The following GLDN variants were observed in gnomAD, a reference collection of about 807,000 sequenced individuals.
GLDN encodes the protein collomin.
Under a neutral mutation model 56.5 loss-of-function variants are expected in GLDN, and 47 were observed. That is an observed-to-expected ratio of 0.83 (90% confidence interval 0.66 to 1.06). The LOEUF is 1.06. Among genes scored for constraint, GLDN ranks in the 50% least tolerant of loss-of-function variants. The pLI is 0.00. For synonymous variants in GLDN, 332 were observed against 278.8 expected (o/e 1.19, Z -1.90); for missense variants, 782 against 714.3 (o/e 1.09, Z -1.08).
At chr15:51,386,656 A>G (rs1029230683) in intron 4 of GLDN, among the ~76,000 whole-genome samples, 2 of 152,338 alleles carry the variant, frequency 1.3e-5, no homozygotes, top group Middle Eastern at 3.4e-3. Context: ...CGAATGAGCC[A>G]GAGTAGAGGC....
intron 1 of GLDN, among the ~76,000 whole-genome samples, chr15:51,346,026 G>C (rs144042168): frequency 6.6e-6 from 1 of 152,272 alleles, no homozygotes; most frequent in East Asian, 1.9e-4. Flanking sequence ...GAAAGGGCTG[G>C]GGGACCACTC....
intron 1 of GLDN, among the ~76,000 whole-genome samples, chr15:51,344,602 T>G (rs1017045968): frequency 6.6e-5 from 10 of 152,164 alleles, no homozygotes; most frequent in African/African-American, 1.4e-4. Flanking sequence ...TCCCTGGCCC[T>G]TTTATACACC....
downstream of GLDN, among the ~76,000 whole-genome samples, chr15:51,410,312 G>A (rs1010591772): frequency 5.3e-5 from 8 of 152,192 alleles, no homozygotes; most frequent in African/African-American, 1.9e-4. Context: ...TGCTTTTGGT[G>A]CTGGAAGTGC....
intron 4 of GLDN, chr15:51,384,311 T>C (rs771130315): frequency 9.4e-5 from 22 of 233,204 alleles, no homozygotes; most frequent in Non-Finnish European, 1.7e-4. Context: ...AATGAACTGA[T>C]GTTGGCCCCT....
At chr15:51,381,473 C>T (rs2037758851) in intron 2 of GLDN, among the ~76,000 whole-genome samples, 1 of 152,116 alleles carries the variant, frequency 6.6e-6, no homozygotes, top group African/African-American at 2.4e-5. Flanking sequence ...AATGTGGTAC[C>T]ATTTTAGCCA....
chr15:51,380,061 T>C (rs1339594948), intron 2 of GLDN, among the ~76,000 whole-genome samples: 1 of 152,010 alleles, frequency 6.6e-6, no homozygotes, highest in Non-Finnish European at 1.5e-5. Flanking sequence ...GAGTGGAAGG[T>C]GGCAGAAGTT....
At chr15:51,386,083 G>A (rs1023621858) in intron 4 of GLDN, among the ~76,000 whole-genome samples, 1 of 152,148 alleles carries the variant, frequency 6.6e-6, no homozygotes, top group African/African-American at 2.4e-5. Flanking sequence ...TGTCACTGGA[G>A]GGTGACCCCA....
chr15:51,413,207 T>C, the GLDN span, among the ~76,000 whole-genome samples: 1 of 152,310 alleles, frequency 6.6e-6, no homozygotes, highest in African/African-American at 2.4e-5. Context: ...TTAGGGTTTA[T>C]AATGTGTATG....
chr15:51,401,839 A>G (rs1047233574), intron 9 of GLDN, 96 bp downstream of exon 9: 1 of 1,124,462 alleles, frequency 8.9e-7, no homozygotes, highest in East Asian at 2.5e-5. Flanking sequence ...TGTTTTCATC[A>G]TCTTTGTGTC....
chr15:51,391,355 G>A (rs947597362), intron 4 of GLDN, among the ~76,000 whole-genome samples: 9 of 152,316 alleles, frequency 5.9e-5, no homozygotes, highest in Middle Eastern at 3.4e-3. Context: ...AGATGATGAT[G>A]CAGAAGGCTG....
intron 4 of GLDN, among the ~76,000 whole-genome samples, chr15:51,386,901 C>T (rs770593208): frequency 3.9e-5 from 6 of 152,182 alleles, no homozygotes; most frequent in Non-Finnish European, 7.3e-5. Flanking sequence ...TCTAAAGGGA[C>T]AATCGTGGAC....
At chr15:51,370,221 C>T (rs1455294170) in intron 1 of GLDN, among the ~76,000 whole-genome samples, 1 of 152,170 alleles carries the variant, frequency 6.6e-6, no homozygotes, top group Non-Finnish European at 1.5e-5. Context: ...TGGGCATCAG[C>T]TTTCTCATCC....
intron 4 of GLDN, among the ~76,000 whole-genome samples, chr15:51,388,755 G>A (rs2037953542): frequency 6.6e-6 from 1 of 152,248 alleles, no homozygotes; most frequent in Non-Finnish European, 1.5e-5. Context: ...CGTGCTCAAG[G>A]GGCTTGGGCC....
chr15:51,366,792 T>C (rs1485876160), intron 1 of GLDN, among the ~76,000 whole-genome samples: 1 of 151,810 alleles, frequency 6.6e-6, no homozygotes, highest in East Asian at 1.9e-4. Flanking sequence ...GTGACTGTGG[T>C]CCCAGCCACT....
chr15:51,388,796 C>T (rs999313715), intron 4 of GLDN, among the ~76,000 whole-genome samples: 1 of 152,080 alleles, frequency 6.6e-6, no homozygotes, highest in African/African-American at 2.4e-5. Context: ...TTGGAGGTGC[C>T]GAAGAGCAAG....
intron 1 of GLDN, among the ~76,000 whole-genome samples, chr15:51,351,514 A>G (rs2037076417): frequency 1.3e-5 from 2 of 152,150 alleles, no homozygotes; most frequent in South Asian, 4.1e-4. Context: ...AGGCTGAGAG[A>G]TCCTTTGGCA....
intron 1 of GLDN, among the ~76,000 whole-genome samples, chr15:51,364,207 G>A (rs2037357651): frequency 6.6e-6 from 1 of 152,098 alleles, no homozygotes; most frequent in South Asian, 2.1e-4. Context: ...AATTACACGG[G>A]TATTGGGCTA....
chr15:51,370,128 A>G (rs1208602691), intron 1 of GLDN, among the ~76,000 whole-genome samples: 1 of 152,176 alleles, frequency 6.6e-6, no homozygotes, highest in East Asian at 1.9e-4. Context: ...AAAAAGAATA[A>G]AAAAGAAAGT....
intron 1 of GLDN, chr15:51,369,167 A>G (rs1278916045): frequency 1.3e-5 from 2 of 152,218 alleles, no homozygotes; most frequent in African/African-American, 4.8e-5. Flanking sequence ...TCCAGTGACA[A>G]GCAGGTGGAC....
Sources: gnomAD v4.1 joint callset for allele counts (sites outside exome capture counted in the v4.1 genomes callset) on GRCh38, gnomAD v4.1.1 for gene constraint, MANE v1.5 for transcripts, NCBI Gene and HGNC (gene_info 2026-07-23, HGNC 2026-07-21) for gene names.